Variants in DSN1 observed in about 807,000 individuals in gnomAD.
DSN1 encodes the protein kinetochore-associated protein DSN1 homolog.
Under a neutral mutation model 45.7 loss-of-function variants are expected in DSN1, and 31 were observed. The ratio of observed to expected loss-of-function variants is 0.68; its 90% confidence interval spans 0.51 to 0.92. The LOEUF (loss-of-function observed/expected upper bound fraction) is 0.92. Among genes scored for constraint, DSN1 ranks in the 40% least tolerant of loss-of-function variants. DSN1 has a pLI of 0.00. For missense variants in DSN1, 394 were observed against 414.2 expected (o/e 0.95, Z 0.42); for synonymous variants, 134 against 142.3 (o/e 0.94, Z 0.41).
intron 10 of DSN1, among the ~76,000 whole-genome samples, chr20:36,754,229 G>A (rs1278520320): frequency 6.6e-6 from 1 of 152,084 alleles, no homozygotes; most frequent in African/African-American, 2.4e-5. Context: ...AGCTACTCTG[G>A]GAGCCTGAGG....
At chr20:36,773,572 G>A in intron 1 of DSN1, 90 bp downstream of exon 1, 4 of 985,850 alleles carry the variant, frequency 4.1e-6, no homozygotes, top group Non-Finnish European at 4.8e-6. Flanking sequence ...CGGGTACGAC[G>A]CCGAAGAGAT....
intron 4 of DSN1, 47 bp downstream of exon 4, chr20:36,767,922 T>C (rs775718232): frequency 1.9e-6 from 3 of 1,570,602 alleles, no homozygotes; most frequent in East Asian, 2.2e-5. Context: ...ATTGTCACAA[T>C]AGCAGTTAAC....
Position 36,771,424 on chromosome 20 carries a change from C to A in DSN1, c.34+1G>T, listed in dbSNP as rs758747982. On this transcript the variant is annotated splice_donor_variant, in intron 2 of 10. Transcript: ENST00000373750. LOFTEE classifies it high-confidence loss of function. ...GTACTGAATTTCACTACAATACTTA[C>A]CATCTATGATCTCTGATCTAGTCAC... The A allele has an allele frequency of 1.9e-6, 3 of 1,613,494 alleles. No homozygotes were observed. In the Admixed American group the frequency reaches 5.0e-5, roughly 27 times the overall value.
rs192398847 is a variant in DSN1, at chr20:36,771,236, G to A, written c.35-43C>T. 2.4e-4 allele frequency: 373 copies of A among 1,555,938 alleles called. 2 individuals carry two copies. In the Middle Eastern group the frequency reaches 4.0e-3, roughly 17 times the overall value. On this transcript the variant is annotated intron_variant, in intron 2 of 10. Coordinates refer to ENST00000373750, the MANE Select transcript of DSN1 (RefSeq NM_001145315.2). Reference sequence around the variant, plus strand: ...AAAGTCAAAATACAAGATCAAGCCCGCCACAACTATTTGTGCAAAAAAGTG... The same window carrying A: ...AAAGTCAAAATACAAGATCAAGCCCACCACAACTATTTGTGCAAAAAAGTG...
intron 6 of DSN1, among the ~76,000 whole-genome samples, chr20:36,759,913 A>G (rs1388011408): frequency 2.0e-5 from 3 of 152,084 alleles, no homozygotes; most frequent in Non-Finnish European, 2.9e-5. Context: ...CTTTCTTAAA[A>G]TATTTCTCTA....
chr20:36,766,856 G>T lies in DSN1; in HGVS notation c.430-15C>A. The T allele has an allele frequency of 6.3e-7, 1 of 1,576,106 alleles. No individual in the cohort carries two copies. Among genetic ancestry groups the T allele is most frequent in the East Asian group, 2.3e-5 (1 of 44,020 alleles). On this transcript the variant is annotated splice_polypyrimidine_tract_variant and intron_variant, in intron 4 of 10. Transcript: ENST00000373750. ...TGAATAGAGAACTAAATAAAGAAAA[G>T]CATTTTTAGTACAACCACCAAAAAC...
chr20:36,752,706 G>C lies in DSN1; in HGVS notation c.*82C>G. 1 of 1,147,014 alleles carries C rather than the reference G, an allele frequency of 8.7e-7. No homozygotes were observed. The highest frequency in any genetic ancestry group is 1.3e-6 in the Non-Finnish European group (1 of 765,962). 71.1% of individuals were successfully genotyped at this position (1,147,014 alleles called of 1,614,324 possible). A position where few individuals can be genotyped will look rare whatever the true frequency, so the allele number is the denominator to read the frequency against. ...CAGTTATCTTCAAAGGCAACGAGCA[G>C]AAATCACGCAGTCACCACGTGCTGG... On this transcript the variant is annotated 3_prime_UTR_variant, in exon 11 of 11. Coordinates refer to ENST00000373750, the MANE Select transcript of DSN1 (RefSeq NM_001145315.2).
chr20:36,758,010 G>GAAA, intron 8 of DSN1, 77 bp downstream of exon 8: 1 of 1,334,154 alleles, frequency 7.5e-7, no homozygotes, highest in South Asian at 1.2e-5. Context: ...CTTTCAATTT[G>GAAA]TGCTAACAGA....
chr20:36,752,856 T>G lies in DSN1; in HGVS notation c.1003A>C (p.Lys335Gln). Residue 335 changes from lysine to glutamine, a missense_variant, in exon 11 of 11, where the codon AAA becomes CAA. Transcript: ENST00000373750. ...MQQLDPSPAR[K>Q]LLKLQLQNPP... Reference sequence around the variant, plus strand: ...TTCTGTAGCTGAAGCTTCAACAGTTTTCGAGCTGGTGAGGGATCTAATTGT... The same window carrying G: ...TTCTGTAGCTGAAGCTTCAACAGTTGTCGAGCTGGTGAGGGATCTAATTGT... 6.2e-7 allele frequency: 1 copy of G among 1,614,226 alleles called. No individual in the cohort carries two copies. Among genetic ancestry groups the G allele is most frequent in the Non-Finnish European group, 8.5e-7 (1 of 1,180,040 alleles).
At chr20:36,767,043 C>T (rs1207519729) in intron 4 of DSN1, among the ~76,000 whole-genome samples, 1 of 151,372 alleles carries the variant, frequency 6.6e-6, no homozygotes, top group Non-Finnish European at 1.5e-5. Flanking sequence ...CAGTGGCTTA[C>T]GTCTGTAATC....
chr20:36,760,424 T>A (rs1010493385), intron 6 of DSN1, among the ~76,000 whole-genome samples: 1 of 152,166 alleles, frequency 6.6e-6, no homozygotes, highest in South Asian at 2.1e-4. Context: ...TTAATTCTTA[T>A]GAAAAAGAAG....
chr20:36,773,295 T>G, intron 1 of DSN1: 5 of 818,658 alleles, frequency 6.1e-6, no homozygotes, highest in Non-Finnish European at 7.4e-6. Flanking sequence ...ACAGGGGAAC[T>G]GAGGTTCAGA....
intron 10 of DSN1, 126 bp from the exon 11 acceptor site, chr20:36,753,023 G>T (rs1265790072): frequency 1.4e-6 from 1 of 733,494 alleles, no homozygotes; most frequent in Non-Finnish European, 2.3e-6. Context: ...AGAGTCTCTG[G>T]CCTCAAGGAG....
rs572279498 is a variant in DSN1, at chr20:36,758,622, A to G, written c.591-5T>C. ...AAAGAAAAATCTGATGCTTTTCTGGAAAACAGATAGGATTATGACATAAAT... is the reference window on the plus strand; with the variant it reads ...AAAGAAAAATCTGATGCTTTTCTGGGAAACAGATAGGATTATGACATAAAT... On this transcript the variant is annotated splice_polypyrimidine_tract_variant and splice_region_variant and intron_variant, in intron 6 of 10. Coordinates refer to ENST00000373750, the MANE Select transcript of DSN1 (RefSeq NM_001145315.2). The G allele has an allele frequency of 6.2e-7, 1 of 1,610,094 alleles. No individual in the cohort carries two copies. Among genetic ancestry groups the G allele is most frequent in the African/African-American group, 1.3e-5 (1 of 74,944 alleles).
intron 9 of DSN1, among the ~76,000 whole-genome samples, chr20:36,755,148 T>C (rs1422040980): frequency 6.6e-6 from 1 of 152,222 alleles, no homozygotes; most frequent in Non-Finnish European, 1.5e-5. Flanking sequence ...TTTCTCCCAT[T>C]AGATGCCACA....
intron 8 of DSN1, among the ~76,000 whole-genome samples, chr20:36,757,310 C>T (rs1026227913): frequency 2.6e-5 from 4 of 151,720 alleles, no homozygotes; most frequent in South Asian, 2.1e-4. Flanking sequence ...GAGCCGAGAT[C>T]GTGCCACTGC....
At chr20:36,768,170 C>A in intron 3 of DSN1, 128 bp from the exon 4 acceptor site, 1 of 801,844 alleles carries the variant, frequency 1.2e-6, no homozygotes, top group South Asian at 1.7e-5. Flanking sequence ...TAGTTAAAGA[C>A]AGAATTCTAA....
chr20:36,754,939 TC>T, intron 9 of DSN1, 89 bp from the exon 10 acceptor site: 2 of 1,118,304 alleles, frequency 1.8e-6, no homozygotes, highest in Admixed American at 2.0e-5. Context: ...GCTCAGGAGC[TC>T]TGGGCTTGCT....
intron 5 of DSN1, among the ~76,000 whole-genome samples, chr20:36,763,295 CTCGGG>C (rs1987104384): frequency 6.7e-6 from 1 of 150,330 alleles, no homozygotes; most frequent in Admixed American, 6.7e-5. Context: ...ATCCCGGCTA[CTCGGG>C]AGGCTGAGGC....
Sources: gnomAD v4.1 joint callset for allele counts (sites outside exome capture counted in the v4.1 genomes callset) on GRCh38, gnomAD v4.1.1 for gene constraint, MANE v1.5 for transcripts, NCBI Gene and HGNC (gene_info 2026-07-23, HGNC 2026-07-21) for gene names.